The following FOXK1 variants were observed in gnomAD, a reference collection of about 807,000 sequenced individuals.
The protein encoded by FOXK1 is forkhead box K1.
In FOXK1, 19 loss-of-function variants were observed where a neutral mutation model predicts 51.9. The observed-to-expected ratio is 0.37, with a 90% confidence interval of 0.26 to 0.54. FOXK1 has a LOEUF of 0.54. Ranked by LOEUF, FOXK1 falls within the 20% of genes least tolerant of loss-of-function variation. The pLI is 0.87. For synonymous variants in FOXK1, 537 were observed against 482.6 expected (o/e 1.11, Z -1.48); for missense variants, 870 against 1,032.7 (o/e 0.84, Z 2.16).
rs1409398621 is a variant in FOXK1, at chr7:4,715,210, C to T, written c.561-25628C>T. ...GGTGGAACTGTGGCGATACGGGGCA[C>T]GGTGGAACTGTGATGATATCGGGCA... On this transcript the variant is annotated intron_variant, in intron 1 of 8. Transcript: ENST00000328914. The surrounding 1 kb of genome is among the most constrained non-coding windows in gnomAD (Gnocchi z 4.5). Among the ~76,000 whole-genome samples the T allele has an allele frequency of 2.0e-5, 3 of 151,996 alleles. No homozygotes were observed. Among genetic ancestry groups the T allele is most frequent in the South Asian group, 2.1e-4 (1 of 4,820 alleles).
rs1053990801 is a variant in FOXK1 at position 4,727,925 on chromosome 7, C to T, written c.561-12913C>T. On this transcript the variant is annotated intron_variant, in intron 1 of 8. Coordinates refer to ENST00000328914, the MANE Select transcript of FOXK1 (RefSeq NM_001037165.2). The stretch of plus-strand genomic sequence containing the variant: ...CCTTCGGGAGGGGAGGAAAAGCGGC[C>T]GGTAAAATGGAGACAGTCGGTGGCG... 7.2e-5 allele frequency among the ~76,000 whole-genome samples: 11 copies of T among 152,138 alleles called. No individual in the cohort carries two copies. In the South Asian group the frequency reaches 1.4e-3, roughly 20 times the overall value.
chr7:4,706,158 G>C lies in FOXK1; in HGVS notation c.560+23290G>C, dbSNP rs1000397549. Among the ~76,000 whole-genome samples the C allele has an allele frequency of 3.3e-5, 5 of 151,582 alleles. No homozygotes were observed. The South Asian group carries it at 1.0e-3, about 32-fold the overall frequency. On this transcript the variant is annotated intron_variant, in intron 1 of 8. Transcript: ENST00000328914. ...AAGCCACATAGAACTCTCCACAAAG[G>C]TAACAGCGAACGTCATTTCAGCGCG...
At position 4,727,263 on chromosome 7, in the gene FOXK1, T is replaced by A. The variant is rs113492442; in HGVS notation, c.561-13575T>A. Among the ~76,000 whole-genome samples, 4 of 152,326 alleles carry A rather than the reference T, an allele frequency of 2.6e-5. No homozygotes were observed. In the South Asian group the frequency reaches 8.3e-4, roughly 32 times the overall value. On this transcript the variant is annotated intron_variant, in intron 1 of 8. Transcript: ENST00000328914. ...CACTGCTCCCAGCCTATTATTATTA[T>A]AGAATTTCATGTTAAGGTTTGCAGG...
chr7:4,747,214 AGGCCTGTTGCAT>A lies in FOXK1; in HGVS notation c.746+6195_746+6206del, dbSNP rs1178995926. On this transcript the variant is annotated intron_variant, in intron 2 of 8. Coordinates refer to ENST00000328914, the MANE Select transcript of FOXK1 (RefSeq NM_001037165.2). The surrounding 1 kb of genome is among the most constrained non-coding windows in gnomAD (Gnocchi z 9.2). ...GGGTGACAAGCGGCTTGTGTGGAGT[AGGCCTGTTGCAT>A]GGCTTCTGTGCGGGCATGTTACGCA... Among the ~76,000 whole-genome samples the A allele has an allele frequency of 6.6e-6, 1 of 152,176 alleles. No homozygotes were observed. The highest frequency in any genetic ancestry group is 1.5e-5 in the Non-Finnish European group (1 of 68,038).
intron 1 of FOXK1, among the ~76,000 whole-genome samples, chr7:4,693,135 A>C (rs891580840): frequency 2.0e-5 from 3 of 152,198 alleles, no homozygotes; most frequent in African/African-American, 7.2e-5. Context: ...ATTTTGTAAC[A>C]TCATACATTG....
At position 4,682,981 on chromosome 7, in the gene FOXK1, C is replaced by T. The variant is rs1443319805; in HGVS notation, c.560+113C>T. 25 of 1,086,892 alleles carry T rather than the reference C, an allele frequency of 2.3e-5. No homozygotes were observed. The highest frequency in any genetic ancestry group is 7.2e-5 in the South Asian group (4 of 55,208). The allele number at this position is 1,086,892 out of a possible 1,614,324, so 67.3% of individuals were successfully genotyped here. A position where few individuals can be genotyped will look rare whatever the true frequency, so the allele number is the denominator to read the frequency against. On this transcript the variant is annotated intron_variant, in intron 1 of 8. Transcript: ENST00000328914. The surrounding 1 kb of genome is among the most constrained non-coding windows in gnomAD (Gnocchi z 7.6). ...AGCTTCCTCGGCCTCGACCCCCACC[C>T]CCCGGCCCACCCCCGGTAACCCCCG...
At chr7:4,757,352 G>A (rs916300907) in intron 5 of FOXK1, among the ~76,000 whole-genome samples, 165 bp downstream of exon 5, 2 of 152,068 alleles carry the variant, frequency 1.3e-5, no homozygotes, top group Non-Finnish European at 2.9e-5. Context: ...AAGAAGGCCG[G>A]CGCGGTGGCT....
At chr7:4,687,006 C>G (rs995830744) in intron 1 of FOXK1, among the ~76,000 whole-genome samples, 5 of 151,156 alleles carry the variant, frequency 3.3e-5, no homozygotes, top group African/African-American at 1.2e-4. Context: ...GAACTTGGCT[C>G]ACCGCAAGCT....
At position 4,763,288 on chromosome 7, in the gene FOXK1, C is replaced by T. The variant is rs1780962818; in HGVS notation, c.*824C>T. The stretch of plus-strand genomic sequence containing the variant: ...CCTAGGATGAAAGGTGAGCCTGGAT[C>T]CGCCGGCCGCAGACATCGCGCTGCT... On this transcript the variant is annotated 3_prime_UTR_variant, in exon 9 of 9. Coordinates refer to ENST00000328914, the MANE Select transcript of FOXK1 (RefSeq NM_001037165.2). The T allele has an allele frequency of 6.6e-6, 1 of 152,240 alleles. No homozygotes were observed. The highest frequency in any genetic ancestry group is 2.4e-5 in the African/African-American group (1 of 41,456). The allele number at this position is 152,240 out of a possible 1,614,324, so 9.4% of individuals were successfully genotyped here. A position where few individuals can be genotyped will look rare whatever the true frequency, so the allele number is the denominator to read the frequency against.
rs1010263219 is a variant in FOXK1, at chr7:4,769,556, C to T, written c.*7092C>T. 6.6e-6 allele frequency: 1 copy of T among 152,242 alleles called. No homozygotes were observed. The highest frequency in any genetic ancestry group is 6.5e-5 in the Admixed American group (1 of 15,272). 9.4% of individuals were successfully genotyped at this position (152,242 alleles called of 1,614,324 possible). ...CAGGTTCGAGCGAATTCTCCTGCCT[C>T]AACCTCCCAAGTAGCTGGGATTACA... is the stretch of plus-strand genomic sequence containing the variant. On this transcript the variant is annotated 3_prime_UTR_variant, in exon 9 of 9. Coordinates refer to ENST00000328914, the MANE Select transcript of FOXK1 (RefSeq NM_001037165.2). This position sits in a 1 kb window ranked among gnomAD's most constrained non-coding sequence, Gnocchi z 4.1.
In FOXK1 at chr7:4,747,595, G is replaced by A. The variant is rs1412388004; in HGVS notation, c.746+6572G>A. On this transcript the variant is annotated intron_variant, in intron 2 of 8. Transcript: ENST00000328914. The surrounding 1 kb of genome is among the most constrained non-coding windows in gnomAD (Gnocchi z 9.2). ...CTATTGCCCAGGCTGGAGTGCAGTG[G>A]CACAGTCACAGCTCACTGCAACCTC... Among the ~76,000 whole-genome samples the A allele has an allele frequency of 3.9e-5, 6 of 152,038 alleles. No individual in the cohort carries two copies. The highest frequency in any genetic ancestry group is 8.8e-5 in the Non-Finnish European group (6 of 68,024).
intron 1 of FOXK1, among the ~76,000 whole-genome samples, chr7:4,724,188 G>GT (rs1404323855): frequency 4.0e-5 from 6 of 151,788 alleles, no homozygotes; most frequent in East Asian, 2.0e-4. Flanking sequence ...TGTTTTGGGG[G>GT]TGGTTGTTGT....
At chr7:4,752,242 T>C (rs1195259930) in intron 2 of FOXK1, among the ~76,000 whole-genome samples, 1 of 152,254 alleles carries the variant, frequency 6.6e-6, no homozygotes, top group Non-Finnish European at 1.5e-5. Flanking sequence ...ACTCCTAGGC[T>C]CAAGCAGTCC....
At chr7:4,724,464 G>A (rs1294927318) in intron 1 of FOXK1, among the ~76,000 whole-genome samples, 1 of 152,202 alleles carries the variant, frequency 6.6e-6, no homozygotes, top group Non-Finnish European at 1.5e-5. Flanking sequence ...CCAAAGTGCT[G>A]GGATTACAGG....
Position 4,760,959 on chromosome 7 carries a change from G to A in FOXK1, c.1697-105G>A. 2.8e-6 allele frequency: 3 copies of A among 1,061,122 alleles called. No homozygotes were observed. In the South Asian group the frequency reaches 4.1e-5, roughly 15 times the overall value. 65.7% of individuals were successfully genotyped at this position (1,061,122 alleles called of 1,614,324 possible). ...CCTCTAGCAAACCTATTTTTTCCCAGTGCCGACCTCACTTTCCCCACTTGT... is the reference window on the plus strand; with the variant it reads ...CCTCTAGCAAACCTATTTTTTCCCAATGCCGACCTCACTTTCCCCACTTGT... On this transcript the variant is annotated intron_variant, in intron 7 of 8. Transcript: ENST00000328914.
At chr7:4,732,559 G>A (rs558718352) in intron 1 of FOXK1, among the ~76,000 whole-genome samples, 8 of 152,304 alleles carry the variant, frequency 5.3e-5, no homozygotes, top group Admixed American at 1.3e-4. Context: ...CTTCCAAAGC[G>A]CTGGGATTAC....
intron 1 of FOXK1, among the ~76,000 whole-genome samples, chr7:4,706,052 A>G (rs1440407214): frequency 7.8e-6 from 1 of 128,492 alleles, no homozygotes; most frequent in East Asian, 2.0e-4. Flanking sequence ...ACGTGTATAT[A>G]TGTATATATA....
intron 1 of FOXK1, among the ~76,000 whole-genome samples, chr7:4,691,305 CT>C (rs1779887931): frequency 6.6e-6 from 1 of 152,214 alleles, no homozygotes; most frequent in Non-Finnish European, 1.5e-5. Flanking sequence ...CGTAGCTTTT[CT>C]CTCCTAAGAA....
At chr7:4,741,158 C>T in intron 2 of FOXK1, 135 bp downstream of exon 2, 8 of 609,424 alleles carry the variant, frequency 1.3e-5, no homozygotes, top group Non-Finnish European at 5.2e-6. Context: ...AAGTGTTGTA[C>T]GTCCATCCGG....
Sources: allele counts gnomAD v4.1 joint callset (sites outside exome capture counted in the v4.1 genomes callset), GRCh38; gene constraint gnomAD v4.1.1; non-coding constraint Gnocchi (gnomAD v3.1); transcripts MANE v1.5; gene names NCBI Gene and HGNC (gene_info 2026-07-23, HGNC 2026-07-21).